The following CEP152 variants were observed in gnomAD, a reference collection of about 807,000 sequenced individuals.
CEP152 encodes centrosomal protein 152, also known as centrosomal protein of 152 kDa.
In CEP152, 132 loss-of-function variants were observed where a neutral mutation model predicts 188.9. The observed-to-expected ratio is 0.70, with a 90% CI of 0.61 to 0.81. The LOEUF (loss-of-function observed/expected upper bound fraction) is 0.81, where lower values mean the gene tolerates loss of function less well. CEP152 is among the 30% of genes least tolerant of loss of function. The pLI is 0.00. For missense variants in CEP152, 1,914 were observed against 1,969.8 expected, an observed-to-expected ratio of 0.97 and a Z score of 0.54; for synonymous variants, 649 against 666.6, an observed-to-expected ratio of 0.97 and a Z score of 0.41.
In CEP152 at chr15:48,744,893, T is replaced by C. The variant is rs1893290591; in HGVS notation, c.3731+3A>G. 3 of 1,605,526 alleles carry C rather than the reference T, an allele frequency of 1.9e-6. No homozygotes were observed. The highest frequency in any genetic ancestry group is 2.3e-5 in the South Asian group (2 of 88,694). On this transcript the variant is annotated splice_donor_region_variant and intron_variant, in intron 23 of 26. Coordinates refer to ENST00000380950, the MANE Select transcript of CEP152 (RefSeq NM_001194998.2). ...ATAGCACTTTAAAATAGTAAAAGTA[T>C]ACCTTGGTGGTGTTTTACAAAGTGT...
chr15:48,788,921 T>C lies in CEP152; in HGVS notation c.1053A>G (p.Ser351=). Residue 351 remains serine, a synonymous_variant, in exon 9 of 27, where the codon TCA becomes TCG. Transcript: ENST00000380950. ...QQLVDLHHSE[S]LQRAREQHES... ...CATGCTGTTCTCTAGCTCGTTGAAG[T>C]GATTCAGAATGATGAAGGTCCACCA... is the stretch of plus-strand genomic sequence containing the variant. The C allele has an allele frequency of 6.2e-7, 1 of 1,614,132 alleles. No homozygotes were observed. The highest frequency in any genetic ancestry group is 1.3e-5 in the African/African-American group (1 of 75,038).
At chr15:48,757,913 G>T (rs1894395680) in intron 19 of CEP152, among the ~76,000 whole-genome samples, 1 of 152,196 alleles carries the variant, frequency 6.6e-6, no homozygotes, top group African/African-American at 2.4e-5. Context: ...AGAGGTGATG[G>T]ATTCCACAGA....
chr15:48,801,001 TTAAC>T (rs1897633663), intron 2 of CEP152, among the ~76,000 whole-genome samples: 1 of 152,184 alleles, frequency 6.6e-6, no homozygotes, highest in Admixed American at 6.5e-5. Flanking sequence ...TCAACTTAAA[TTAAC>T]TAAACAGATT....
intron 21 of CEP152, among the ~76,000 whole-genome samples, chr15:48,749,021 C>A (rs868533398): frequency 6.6e-6 from 1 of 152,062 alleles, no homozygotes; most frequent in Non-Finnish European, 1.5e-5. Context: ...AGAAAGTACT[C>A]AAAAATACAG....
chr15:48,788,975 T>A lies in CEP152; in HGVS notation c.999A>T (p.Glu333Asp). ...GCTGCTTCAAGCTTTCCAGAGCCAT[T>A]TCAGTTGTTCTGGACTTCTTGATCA... Reference protein sequence around the residue: ...EQMIKKSRTTEMALESLKQQL... With the variant: ...EQMIKKSRTTDMALESLKQQL... The change falls in exon 9 of 27, where the codon GAA becomes GAT. Residue 333 changes from glutamate to aspartate, a missense_variant. Glu to Asp is a conservative substitution (Grantham distance 45, BLOSUM62 2). Transcript: ENST00000380950. 1 of 1,614,210 alleles carries A rather than the reference T, an allele frequency of 6.2e-7. No homozygotes were observed. The highest frequency in any genetic ancestry group is 1.1e-5 in the South Asian group (1 of 91,086).
chr15:48,802,438 C>T (rs1347781819), intron 2 of CEP152, among the ~76,000 whole-genome samples: 2 of 152,206 alleles, frequency 1.3e-5, no homozygotes, highest in Non-Finnish European at 2.9e-5. Context: ...GATCTACACC[C>T]TAATCTGCTC....
intron 17 of CEP152, among the ~76,000 whole-genome samples, chr15:48,763,748 G>A (rs1194949288): frequency 1.3e-5 from 2 of 152,062 alleles, no homozygotes; most frequent in Admixed American, 6.6e-5. Flanking sequence ...TAAGCTTTTA[G>A]GATCATACTT....
At chr15:48,802,243 T>C (rs1230568080) in intron 2 of CEP152, among the ~76,000 whole-genome samples, 1 of 152,192 alleles carries the variant, frequency 6.6e-6, no homozygotes, top group Non-Finnish European at 1.5e-5. Flanking sequence ...GACAGCTTTA[T>C]AAAGAAAAGT....
intron 1 of CEP152, 124 bp downstream of exon 1, chr15:48,810,837 G>A (rs1898286629): frequency 1.3e-5 from 2 of 152,514 alleles, no homozygotes; most frequent in Admixed American, 6.5e-5. Flanking sequence ...CATGCGGGCA[G>A]TCCACCACCG....
At chr15:48,788,735 T>C in intron 9 of CEP152, 66 bp downstream of exon 9, 1 of 1,379,142 alleles carries the variant, frequency 7.3e-7, no homozygotes, top group South Asian at 1.2e-5. Context: ...AACCATAAAA[T>C]ATCAGTTACA....
intron 18 of CEP152, 120 bp from the exon 19 acceptor site, chr15:48,760,386 A>T: frequency 8.2e-7 from 1 of 1,218,722 alleles, no homozygotes; most frequent in Non-Finnish European, 1.2e-6. Flanking sequence ...TAATAAAGTC[A>T]AACTGACTGC....
chr15:48,747,162 C>T (rs1036678019), intron 22 of CEP152, among the ~76,000 whole-genome samples: 2 of 152,094 alleles, frequency 1.3e-5, no homozygotes, highest in African/African-American at 4.8e-5. Context: ...GCTCCAGCTA[C>T]CCTATGGAGA....
intron 9 of CEP152, among the ~76,000 whole-genome samples, chr15:48,787,027 A>G (rs914654594): frequency 6.6e-6 from 1 of 152,170 alleles, no homozygotes; most frequent in African/African-American, 2.4e-5. Context: ...TCCAAGTCCA[A>G]CTAACTTCAA....
chr15:48,752,194 T>C (rs1893921576), intron 21 of CEP152, among the ~76,000 whole-genome samples, 155 bp downstream of exon 21: 1 of 152,196 alleles, frequency 6.6e-6, no homozygotes, highest in Non-Finnish European at 1.5e-5. Flanking sequence ...AACCCTCTTA[T>C]CTAAATACAA....
chr15:48,761,572 G>T (rs1299680138), intron 18 of CEP152, among the ~76,000 whole-genome samples: 1 of 152,114 alleles, frequency 6.6e-6, no homozygotes, highest in African/African-American at 2.4e-5. Flanking sequence ...TTCTCCAAAA[G>T]CTGCATGCTG....
At chr15:48,781,386 T>C in intron 11 of CEP152, 27 bp from the exon 12 acceptor site, 1 of 1,554,510 alleles carries the variant, frequency 6.4e-7, no homozygotes, top group Non-Finnish European at 8.8e-7. Context: ...TTAAAAATAA[T>C]TTTCACTATT....
intron 12 of CEP152, among the ~76,000 whole-genome samples, chr15:48,776,993 C>T (rs1036972568): frequency 7.9e-5 from 12 of 151,924 alleles, no homozygotes; most frequent in East Asian, 1.9e-4. Flanking sequence ...ATGAGAAAAA[C>T]GTAATCATAA....
rs1263911484 is a variant in CEP152 at position 48,797,300 on chromosome 15, C to T, written c.540+1G>A. 5 of 1,613,920 alleles carry T rather than the reference C, an allele frequency of 3.1e-6. No homozygotes were observed. Among genetic ancestry groups the T allele is most frequent in the Middle Eastern group, 1.7e-4 (1 of 6,058 alleles). On this transcript the variant is annotated splice_donor_variant, in intron 5 of 26. Coordinates refer to ENST00000380950, the MANE Select transcript of CEP152 (RefSeq NM_001194998.2). LOFTEE classifies it high-confidence loss of function. Reference sequence around the variant, plus strand: ...TCTTGAAAGTCAAGTTTTTACAATACCTGAAAATGGTTCCATTGAGGATCT... The same window carrying T: ...TCTTGAAAGTCAAGTTTTTACAATATCTGAAAATGGTTCCATTGAGGATCT...
In CEP152 at chr15:48,755,965, G is replaced by C; in HGVS notation, c.3283C>G (p.Gln1095Glu). 1 of 1,614,014 alleles carries C rather than the reference G, an allele frequency of 6.2e-7. No individual in the cohort carries two copies. The highest frequency in any genetic ancestry group is 1.1e-5 in the South Asian group (1 of 91,078). ...QYFEKLKGCI[Q>E]KAFQDTLPLL... ...GGAAGTGTATCTTGAAATGCTTTCT[G>C]TATGCAGCCCTTTAGTTTTTCAAAA... The change falls in exon 20 of 27, where the codon CAG becomes GAG. Residue 1095 changes from glutamine (Q) to glutamate (E), a missense_variant. Transcript: ENST00000380950.
Sources: allele counts gnomAD v4.1 joint callset (sites outside exome capture counted in the v4.1 genomes callset), GRCh38; gene constraint gnomAD v4.1.1; transcripts MANE v1.5; gene names NCBI Gene and HGNC (gene_info 2026-07-23, HGNC 2026-07-21).